MRPS31: variants seen among roughly 807,000 people sequenced by gnomAD.
The protein encoded by MRPS31 is small ribosomal subunit protein mS31.
A neutral mutation model predicts 43.1 loss-of-function variants in MRPS31; 32 were observed. That is an observed-to-expected ratio of 0.74 (90% CI 0.56 to 1.00). The LOEUF (loss-of-function observed/expected upper bound fraction) is 1.00. MRPS31 is among the 50% of genes least tolerant of loss of function. The pLI is 0.00. For synonymous variants in MRPS31, 165 were observed against 161.6 expected, an observed-to-expected ratio of 1.02 and a Z score of -0.16; for missense variants, 437 against 466.7, an observed-to-expected ratio of 0.94 and a Z score of 0.59.
intron 6 of MRPS31, among the ~76,000 whole-genome samples, chr13:40,736,648 T>A (rs1464969374): frequency 1.3e-5 from 2 of 150,576 alleles, no homozygotes; most frequent in African/African-American, 4.9e-5. Context: ...AAGAAAAGAA[T>A]TTTCAACCCA....
intron 5 of MRPS31, 59 bp from the exon 6 acceptor site, chr13:40,749,340 G>C (rs1880326235): frequency 7.3e-7 from 1 of 1,371,500 alleles, no homozygotes; most frequent in South Asian, 1.6e-5. Context: ...TTTTTTAAAA[G>C]TTACAACCAA....
At chr13:40,755,094 G>T (rs1185920517) in intron 4 of MRPS31, among the ~76,000 whole-genome samples, 1 of 152,162 alleles carries the variant, frequency 6.6e-6, no homozygotes, top group Non-Finnish European at 1.5e-5. Flanking sequence ...TTGAATTCTT[G>T]TTTTTTTATA....
chr13:40,736,820 C>CA (rs1427546492), intron 6 of MRPS31, among the ~76,000 whole-genome samples: 2 of 149,862 alleles, frequency 1.3e-5, no homozygotes, highest in Non-Finnish European at 3.0e-5. Flanking sequence ...CCAGCCGCTG[C>CA]AAAATCATGC....
intron 6 of MRPS31, among the ~76,000 whole-genome samples, chr13:40,745,783 C>A (rs1305129482): frequency 6.6e-6 from 1 of 151,824 alleles, no homozygotes; most frequent in Non-Finnish European, 1.5e-5. Context: ...CCCATAAAAA[C>A]CAACCTTAGA....
At chr13:40,736,080 G>A (rs2137994327) in intron 6 of MRPS31, among the ~76,000 whole-genome samples, 1 of 146,182 alleles carries the variant, frequency 6.8e-6, no homozygotes, top group South Asian at 2.3e-4. Context: ...ACAGAGAAGT[G>A]CTTAAAGGAG....
chr13:40,745,282 C>T (rs1880211856), intron 6 of MRPS31, among the ~76,000 whole-genome samples: 1 of 152,004 alleles, frequency 6.6e-6, no homozygotes, highest in Non-Finnish European at 1.5e-5. Flanking sequence ...GACGGAGTTT[C>T]ACTCTTGTTG....
At chr13:40,764,497 T>C (rs754154497) in intron 2 of MRPS31, among the ~76,000 whole-genome samples, 10 of 152,150 alleles carry the variant, frequency 6.6e-5, no homozygotes, top group Non-Finnish European at 1.3e-4. Flanking sequence ...TCAGGAGTGG[T>C]TGTGATAAAA....
intron 2 of MRPS31, 33 bp downstream of exon 2, chr13:40,766,713 T>C: frequency 6.5e-7 from 1 of 1,548,156 alleles, no homozygotes; most frequent in South Asian, 1.2e-5. Context: ...TTACTGGAGT[T>C]TCAAACAACA....
chr13:40,761,922 A>AAAAAACAG (rs199860740), intron 2 of MRPS31, among the ~76,000 whole-genome samples: 2 of 133,646 alleles, frequency 1.5e-5, no homozygotes, highest in Non-Finnish European at 3.1e-5. Context: ...AAATAAACAG[A>AAAAAACAG]AAAAAAAAAA....
At position 40,745,372 on chromosome 13, in the gene MRPS31, C is replaced by T. The variant is rs1330853643; in HGVS notation, c.958+3766G>A. ...GCTTCAAGCCATTCTCCTGCCTCAG[C>T]CTCCCGAGTAGCTGGGATTACAGGC... On this transcript the variant is annotated intron_variant, in intron 6 of 6. Coordinates refer to ENST00000323563, the MANE Select transcript of MRPS31 (RefSeq NM_005830.4). 3.3e-5 allele frequency among the ~76,000 whole-genome samples: 5 copies of T among 152,140 alleles called. No homozygotes were observed. The South Asian group carries it at 8.3e-4, about 25-fold the overall frequency.
intron 1 of MRPS31, among the ~76,000 whole-genome samples, chr13:40,769,243 G>C (rs543449699): frequency 6.6e-6 from 1 of 151,328 alleles, no homozygotes; most frequent in East Asian, 1.9e-4. Flanking sequence ...AGGTGTGGTG[G>C]TGGGTGCCTG....
At chr13:40,744,513 A>G (rs1293846083) in intron 6 of MRPS31, among the ~76,000 whole-genome samples, 1 of 152,084 alleles carries the variant, frequency 6.6e-6, no homozygotes, top group African/African-American at 2.4e-5. Flanking sequence ...TACCATCCTT[A>G]TATGTTCTTT....
intron 6 of MRPS31, 36 bp downstream of exon 6, chr13:40,749,102 C>A (rs767700641): frequency 1.9e-6 from 3 of 1,562,210 alleles, no homozygotes; most frequent in Non-Finnish European, 2.6e-6. Context: ...TAATCTCAAT[C>A]AATACGTTTT....
At chr13:40,733,003 T>G (rs973923819) in intron 6 of MRPS31, among the ~76,000 whole-genome samples, 2 of 143,522 alleles carry the variant, frequency 1.4e-5, no homozygotes, top group African/African-American at 5.2e-5. Context: ...GGTTTTTTTT[T>G]TTTTTTTTTT....
At chr13:40,760,294 A>G (rs1880659705) in intron 2 of MRPS31, among the ~76,000 whole-genome samples, 1 of 152,108 alleles carries the variant, frequency 6.6e-6, no homozygotes, top group South Asian at 2.1e-4. Context: ...TGTTTTGCTA[A>G]GTGTGTGGGT....
rs754377766 is a variant in MRPS31, at chr13:40,770,993, C to A, written c.144G>T (p.Leu48=). 6.2e-7 allele frequency: 1 copy of A among 1,614,140 alleles called. No individual in the cohort carries two copies. Among genetic ancestry groups the A allele is most frequent in the Admixed American group, 1.7e-5 (1 of 60,006 alleles). ...HGTVRYRSSA[L]LARTKNNIQR... The stretch of plus-strand genomic sequence containing the variant: ...GTTGCCTGAGGACCTACCGGGCCAA[C>A]AGCGCTGAACTGCGGTACCTGACTG... Residue 48 remains leucine (L), a synonymous_variant, in exon 1 of 7, where the codon CTG becomes CTT. Transcript: ENST00000323563.
At chr13:40,741,748 C>T (rs1285836806) in intron 6 of MRPS31, among the ~76,000 whole-genome samples, 2 of 152,088 alleles carry the variant, frequency 1.3e-5, no homozygotes, top group Admixed American at 1.3e-4. Context: ...ACTATAGCTC[C>T]ATCATTCAAA....
At chr13:40,730,331 G>A (rs1879641982) in intron 6 of MRPS31, among the ~76,000 whole-genome samples, 1 of 151,530 alleles carries the variant, frequency 6.6e-6, no homozygotes, top group Non-Finnish European at 1.5e-5. Flanking sequence ...AGACAAGCCT[G>A]GCCAACATGG....
chr13:40,770,111 A>T (rs1880965491), intron 1 of MRPS31, among the ~76,000 whole-genome samples: 1 of 152,188 alleles, frequency 6.6e-6, no homozygotes, highest in South Asian at 2.1e-4. Flanking sequence ...ACTCCAACGC[A>T]GCCAGTTGAA....
Sources: allele counts gnomAD v4.1 joint callset (sites outside exome capture counted in the v4.1 genomes callset), GRCh38; gene constraint gnomAD v4.1.1; transcripts MANE v1.5; gene names NCBI Gene and HGNC (gene_info 2026-07-23, HGNC 2026-07-21).